The following ARHGAP15 variants were observed in gnomAD, a reference collection of about 807,000 sequenced individuals.
ARHGAP15 encodes the protein Rho GTPase activating protein 15.
A neutral mutation model predicts 63.7 loss-of-function variants in ARHGAP15; 51 were observed. That is an observed-to-expected ratio of 0.80 (90% CI 0.64 to 1.01). ARHGAP15 has a LOEUF of 1.01. ARHGAP15 is among the 50% of genes least tolerant of loss of function. The pLI is 0.00. For synonymous variants in ARHGAP15, 191 were observed against 193.8 expected (o/e 0.99, Z 0.12); for missense variants, 560 against 564.6 (o/e 0.99, Z 0.08).
chr2:143,202,562 G>T (rs1488781130), intron 3 of ARHGAP15, among the ~76,000 whole-genome samples: 1 of 151,776 alleles, frequency 6.6e-6, no homozygotes, highest in Non-Finnish European at 1.5e-5. Context: ...AGATGAGAAG[G>T]CAAGAGGGAG....
At chr2:143,565,744 G>T (rs1696193597) in intron 11 of ARHGAP15, among the ~76,000 whole-genome samples, 1 of 152,172 alleles carries the variant, frequency 6.6e-6, no homozygotes, top group African/African-American at 2.4e-5. Flanking sequence ...AATTGAACAT[G>T]TCAGTCATGA....
At chr2:143,514,387 T>A (rs996831634) in intron 9 of ARHGAP15, among the ~76,000 whole-genome samples, 1 of 152,218 alleles carries the variant, frequency 6.6e-6, no homozygotes, top group Non-Finnish European at 1.5e-5. Context: ...ATAATTTAAA[T>A]TTTAAGGTGA....
At chr2:143,559,203 A>G (rs769843006) in intron 11 of ARHGAP15, among the ~76,000 whole-genome samples, 4 of 152,218 alleles carry the variant, frequency 2.6e-5, no homozygotes, top group Non-Finnish European at 5.9e-5. Context: ...CATGCTAGAA[A>G]CAAACACTAG....
intron 6 of ARHGAP15, among the ~76,000 whole-genome samples, chr2:143,415,407 G>A (rs923782882): frequency 2.0e-5 from 3 of 150,622 alleles, no homozygotes; most frequent in African/African-American, 2.4e-5. Context: ...TGCAAGGAGG[G>A]AAAATATAAG....
chr2:143,492,119 C>T (rs1212965989), intron 9 of ARHGAP15, among the ~76,000 whole-genome samples: 2 of 152,062 alleles, frequency 1.3e-5, no homozygotes, highest in African/African-American at 2.4e-5. Flanking sequence ...TGAGCTAAGG[C>T]GATCTGCCCG....
chr2:143,657,854 G>A (rs1440083425), intron 12 of ARHGAP15, among the ~76,000 whole-genome samples: 1 of 152,104 alleles, frequency 6.6e-6, no homozygotes, highest in African/African-American at 2.4e-5. Context: ...ACATAATTTC[G>A]AGACTTTGTT....
At chr2:143,671,462 G>C (rs556091731) in intron 12 of ARHGAP15, among the ~76,000 whole-genome samples, 3 of 152,168 alleles carry the variant, frequency 2.0e-5, no homozygotes, top group African/African-American at 7.2e-5. Context: ...AAGGATTATT[G>C]ATTTGACTAA....
intron 2 of ARHGAP15, among the ~76,000 whole-genome samples, chr2:143,165,543 C>T (rs1690466402): frequency 6.6e-6 from 1 of 152,018 alleles, no homozygotes; most frequent in Non-Finnish European, 1.5e-5. Context: ...AAACATGGGG[C>T]AAATCCTAGA....
At chr2:143,249,603 T>C (rs748526434) in intron 5 of ARHGAP15, among the ~76,000 whole-genome samples, 21 of 152,104 alleles carry the variant, frequency 1.4e-4, no homozygotes, top group Non-Finnish European at 2.8e-4. Context: ...GAGAAACTTC[T>C]TGAAAAAATA....
At chr2:143,437,388 T>C in intron 8 of ARHGAP15, 1 of 225,794 alleles carries the variant, frequency 4.4e-6, no homozygotes, top group Non-Finnish European at 8.8e-6. Flanking sequence ...TTTATTTGCA[T>C]ACATTAAAGG....
At chr2:143,400,734 T>G (rs941081075) in intron 6 of ARHGAP15, among the ~76,000 whole-genome samples, 1 of 152,040 alleles carries the variant, frequency 6.6e-6, no homozygotes, top group Non-Finnish European at 1.5e-5. Context: ...TTATTTAAAT[T>G]TTATGCTGGA....
intron 11 of ARHGAP15, among the ~76,000 whole-genome samples, chr2:143,559,989 C>T (rs1695958049): frequency 6.6e-6 from 1 of 152,116 alleles, no homozygotes; most frequent in African/African-American, 2.4e-5. Context: ...TAAGCCCTGC[C>T]CACTGTTAGA....
At chr2:143,508,164 A>G (rs995314943) in intron 9 of ARHGAP15, among the ~76,000 whole-genome samples, 3 of 151,974 alleles carry the variant, frequency 2.0e-5, no homozygotes, top group African/African-American at 7.3e-5. Flanking sequence ...TTCCTCAGCC[A>G]TACTTCCTCT....
intron 13 of ARHGAP15, among the ~76,000 whole-genome samples, chr2:143,707,467 G>C (rs781691096): frequency 6.6e-6 from 1 of 152,210 alleles, no homozygotes; most frequent in Non-Finnish European, 1.5e-5. Flanking sequence ...TGACGAGGTT[G>C]TAGCAAACTA....
intron 11 of ARHGAP15, among the ~76,000 whole-genome samples, chr2:143,565,503 A>G (rs958592188): frequency 2.6e-5 from 4 of 152,204 alleles, no homozygotes; most frequent in Non-Finnish European, 4.4e-5. Flanking sequence ...AACCAACTCT[A>G]TATAAAATAA....
intron 11 of ARHGAP15, among the ~76,000 whole-genome samples, chr2:143,562,014 TTATC>T (rs1696050558): frequency 6.6e-6 from 1 of 152,216 alleles, no homozygotes; most frequent in African/African-American, 2.4e-5. Context: ...GTAGATATCT[TTATC>T]TACCCAGATT....
chr2:143,562,152 T>G (rs900999858), intron 11 of ARHGAP15, among the ~76,000 whole-genome samples: 2 of 152,202 alleles, frequency 1.3e-5, no homozygotes, highest in Admixed American at 6.5e-5. Context: ...TTTTATCAAC[T>G]GTACCTAAAC....
At chr2:143,737,875 G>C (rs981785620) in intron 13 of ARHGAP15, among the ~76,000 whole-genome samples, 4 of 152,074 alleles carry the variant, frequency 2.6e-5, no homozygotes, top group African/African-American at 9.7e-5. Context: ...TCCTGCCTCA[G>C]CCTTCTGAGT....
At chr2:143,712,844 GA>G (rs988869208) in intron 13 of ARHGAP15, among the ~76,000 whole-genome samples, 2 of 150,914 alleles carry the variant, frequency 1.3e-5, no homozygotes, top group Admixed American at 1.3e-4. Context: ...AATCTAGCAG[GA>G]AAAAAAATGA....
Sources: gnomAD v4.1 joint callset for allele counts (sites outside exome capture counted in the v4.1 genomes callset) on GRCh38, gnomAD v4.1.1 for gene constraint, MANE v1.5 for transcripts, NCBI Gene and HGNC (gene_info 2026-07-23, HGNC 2026-07-21) for gene names.